SPIDR: variants seen among roughly 807,000 people sequenced by gnomAD.
SPIDR encodes DNA repair-scaffolding protein.
A neutral mutation model predicts 104.6 loss-of-function variants in SPIDR; 93 were observed. That is an observed-to-expected ratio of 0.89 (90% CI 0.75 to 1.06). SPIDR has a LOEUF of 1.06. Ranked by LOEUF, SPIDR falls within the 50% of genes least tolerant of loss-of-function variation. SPIDR has a pLI of 0.00. For synonymous variants in SPIDR, 431 were observed against 416.9 expected (o/e 1.03, Z -0.41); for missense variants, 1,154 against 1,111.2 (o/e 1.04, Z -0.55).
At chr8:47,623,943 G>A (rs560632917) in intron 10 of SPIDR, among the ~76,000 whole-genome samples, 46 of 152,296 alleles carry the variant, frequency 3.0e-4, no homozygotes, top group African/African-American at 1.1e-3. Flanking sequence ...ATTCTTTTCA[G>A]CACCACAACA....
chr8:47,289,916 C>G (rs2039587575), intron 3 of SPIDR, among the ~76,000 whole-genome samples: 1 of 152,078 alleles, frequency 6.6e-6, no homozygotes, highest in African/African-American at 2.4e-5. Context: ...CCATGGTGTA[C>G]TATTCAGTAA....
At chr8:47,636,113 C>A (rs1340955534) in intron 10 of SPIDR, among the ~76,000 whole-genome samples, 1 of 152,210 alleles carries the variant, frequency 6.6e-6, no homozygotes, top group African/African-American at 2.4e-5. Context: ...GTGTTCACCT[C>A]ATGTCTCTAT....
intron 5 of SPIDR, among the ~76,000 whole-genome samples, chr8:47,380,519 C>T (rs1355793620): frequency 1.3e-5 from 2 of 152,040 alleles, no homozygotes; most frequent in African/African-American, 4.8e-5. Flanking sequence ...TTTGACCCGG[C>T]AGGTGCCTTT....
intron 8 of SPIDR, among the ~76,000 whole-genome samples, chr8:47,512,824 T>C (rs1379208224): frequency 6.6e-6 from 1 of 152,232 alleles, no homozygotes; most frequent in African/African-American, 2.4e-5. Flanking sequence ...ACAGATGTCT[T>C]GCATTCCGAT....
intron 16 of SPIDR, among the ~76,000 whole-genome samples, chr8:47,725,153 C>T (rs1158690190): frequency 2.6e-5 from 4 of 152,192 alleles, no homozygotes; most frequent in Admixed American, 6.5e-5. Context: ...GTGCACCAGG[C>T]GTGGTGAGCG....
chr8:47,541,146 C>T (rs562570012), intron 8 of SPIDR, among the ~76,000 whole-genome samples: 1 of 152,380 alleles, frequency 6.6e-6, no homozygotes, highest in African/African-American at 2.4e-5. Context: ...AGGCACGAGC[C>T]ACTGCGCCCA....
At position 47,385,622 on chromosome 8, in the gene SPIDR, C is replaced by A. The variant is rs1003784486; in HGVS notation, c.526-10754C>A. On this transcript the variant is annotated intron_variant, in intron 5 of 19. Coordinates refer to ENST00000297423, the MANE Select transcript of SPIDR (RefSeq NM_001080394.4). ...CAAGTGCTTCTGCCGGCCTGTGGTTCCCAGGGAGACTGATCATCTTGTATT... is the reference window on the plus strand; with the variant it reads ...CAAGTGCTTCTGCCGGCCTGTGGTTACCAGGGAGACTGATCATCTTGTATT... Among the ~76,000 whole-genome samples the A allele has an allele frequency of 5.3e-5, 8 of 152,184 alleles. No individual in the cohort carries two copies. The South Asian group carries it at 1.7e-3, about 32-fold the overall frequency.
intron 8 of SPIDR, among the ~76,000 whole-genome samples, chr8:47,447,307 G>A (rs797032215): frequency 8.5e-5 from 13 of 152,156 alleles, no homozygotes; most frequent in African/African-American, 2.2e-4. Flanking sequence ...TCCGCCTCCC[G>A]GGCTCAAGCA....
chr8:47,408,759 G>T (rs961030682), intron 7 of SPIDR, among the ~76,000 whole-genome samples: 2 of 151,946 alleles, frequency 1.3e-5, no homozygotes, highest in Non-Finnish European at 2.9e-5. Context: ...CATAGTAGCA[G>T]GATTAAAAAT....
chr8:47,457,716 G>C (rs1384488528), intron 8 of SPIDR, among the ~76,000 whole-genome samples: 6 of 152,076 alleles, frequency 3.9e-5, no homozygotes, highest in Non-Finnish European at 8.8e-5. Context: ...AAATTTTACA[G>C]TTTCAGGTCT....
chr8:47,560,220 C>T (rs2056889714), intron 8 of SPIDR, among the ~76,000 whole-genome samples: 1 of 152,210 alleles, frequency 6.6e-6, no homozygotes, highest in South Asian at 2.1e-4. Flanking sequence ...GTTCTCTCAC[C>T]TTGTGGGATA....
chr8:47,520,081 A>G (rs1326070625), intron 8 of SPIDR, among the ~76,000 whole-genome samples: 3 of 152,212 alleles, frequency 2.0e-5, no homozygotes, highest in Admixed American at 6.5e-5. Flanking sequence ...GAACTTGACT[A>G]TAGATAATAT....
chr8:47,374,427 T>C (rs931471675), intron 5 of SPIDR, among the ~76,000 whole-genome samples: 3 of 152,246 alleles, frequency 2.0e-5, no homozygotes, highest in Non-Finnish European at 4.4e-5. Context: ...AGACTGTATC[T>C]ATTCAAAAGT....
intron 5 of SPIDR, among the ~76,000 whole-genome samples, chr8:47,327,959 A>C (rs2154266289): frequency 6.6e-6 from 1 of 151,050 alleles, no homozygotes; most frequent in East Asian, 1.9e-4. Flanking sequence ...TGGCCTTCGA[A>C]AGTGCTGGGA....
chr8:47,323,098 AG>A (rs2047040280), intron 5 of SPIDR, among the ~76,000 whole-genome samples: 1 of 151,964 alleles, frequency 6.6e-6, no homozygotes, highest in Non-Finnish European at 1.5e-5. Context: ...TAAAAAAAGA[AG>A]AAGAAGAGAA....
chr8:47,445,011 G>A (rs966928433), intron 8 of SPIDR, among the ~76,000 whole-genome samples: 3 of 152,250 alleles, frequency 2.0e-5, no homozygotes, highest in East Asian at 1.9e-4. Flanking sequence ...TATGTGTTTC[G>A]TTTTTGCTGT....
chr8:47,316,138 A>T (rs1361362219), intron 5 of SPIDR, among the ~76,000 whole-genome samples: 1 of 152,190 alleles, frequency 6.6e-6, no homozygotes, highest in Admixed American at 6.5e-5. Flanking sequence ...TAATTGGAGA[A>T]GGATTAGTAC....
At chr8:47,666,401 A>T (rs1440926684) in intron 10 of SPIDR, among the ~76,000 whole-genome samples, 2 of 152,128 alleles carry the variant, frequency 1.3e-5, no homozygotes, top group East Asian at 3.9e-4. Context: ...AATCAATTTC[A>T]CCTGCACTTG....
At chr8:47,505,238 T>A (rs1183790205) in intron 8 of SPIDR, among the ~76,000 whole-genome samples, 1 of 152,144 alleles carries the variant, frequency 6.6e-6, no homozygotes, top group Admixed American at 6.5e-5. Context: ...AGGTGGAGGC[T>A]ACAGAGGCAG....
Sources: allele counts gnomAD v4.1 joint callset (sites outside exome capture counted in the v4.1 genomes callset), GRCh38; gene constraint gnomAD v4.1.1; transcripts MANE v1.5; gene names NCBI Gene and HGNC (gene_info 2026-07-23, HGNC 2026-07-21).